TMEM132C: variants seen among roughly 807,000 people sequenced by gnomAD.
TMEM132C encodes protein phosphatase 1, regulatory subunit 152.
In TMEM132C, 29 loss-of-function variants were observed where a neutral mutation model predicts 61.4. That is an observed-to-expected ratio of 0.47 (90% CI 0.35 to 0.64). The LOEUF is 0.64. Among genes scored for constraint, TMEM132C ranks in the 30% least tolerant of loss-of-function variants. The pLI is 0.00. For missense variants in TMEM132C, 1,408 were observed against 1,476.9 expected (o/e 0.95, Z 0.76); for synonymous variants, 656 against 633.1 (o/e 1.04, Z -0.54).
chr12:128,551,179 A>T (rs882393), intron 3 of TMEM132C, among the ~76,000 whole-genome samples: 11,861 of 150,504 alleles, frequency 0.079, 599 homozygotes, highest in East Asian at 0.16. Flanking sequence ...CTTCTAATGA[A>T]CCCAAACTGA....
chr12:128,554,247 G>T (rs1373753516), intron 3 of TMEM132C, among the ~76,000 whole-genome samples: 1 of 152,156 alleles, frequency 6.6e-6, no homozygotes, highest in African/African-American at 2.4e-5. Flanking sequence ...CAAATGCAAG[G>T]GACAGGTGAA....
intron 8 of TMEM132C, among the ~76,000 whole-genome samples, chr12:128,703,629 A>C (rs1475611910): frequency 6.6e-6 from 1 of 152,200 alleles, no homozygotes; most frequent in Non-Finnish European, 1.5e-5. Flanking sequence ...GCCTGTATCC[A>C]CTGGGCACTT....
chr12:128,465,684 T>G (rs1315191149), intron 2 of TMEM132C, among the ~76,000 whole-genome samples: 2 of 152,190 alleles, frequency 1.3e-5, no homozygotes, highest in Non-Finnish European at 2.9e-5. Context: ...TCACGAGCAC[T>G]GGAGTGAGAC....
intron 1 of TMEM132C, among the ~76,000 whole-genome samples, chr12:128,392,400 T>G (rs1489959650): frequency 2.6e-5 from 4 of 152,072 alleles, no homozygotes; most frequent in Admixed American, 6.5e-5. Flanking sequence ...AACATTTGAG[T>G]GTGAGAGAGC....
intron 2 of TMEM132C, among the ~76,000 whole-genome samples, chr12:128,485,953 G>A (rs1565950314): frequency 6.6e-6 from 1 of 152,176 alleles, no homozygotes; most frequent in Non-Finnish European, 1.5e-5. Flanking sequence ...ACGCTTCAAA[G>A]TTAGACTTTG....
chr12:128,627,874 G>T (rs1954030964), intron 4 of TMEM132C, among the ~76,000 whole-genome samples: 1 of 152,202 alleles, frequency 6.6e-6, no homozygotes, highest in Admixed American at 6.5e-5. Flanking sequence ...CTGTGAAACT[G>T]CTGGACAGCT....
At chr12:128,387,474 C>T (rs932247494) in intron 1 of TMEM132C, among the ~76,000 whole-genome samples, 9 of 152,142 alleles carry the variant, frequency 5.9e-5, no homozygotes, top group East Asian at 1.9e-4. Flanking sequence ...TAGACTCCTC[C>T]GGCAATTCTA....
Position 128,444,158 on chromosome 12 carries a change from G to A in TMEM132C, c.974+28538G>A, listed in dbSNP as rs139775190. Among the ~76,000 whole-genome samples, 5 of 152,224 alleles carry A rather than the reference G, an allele frequency of 3.3e-5. No homozygotes were observed. In the East Asian group the frequency reaches 5.8e-4, roughly 18 times the overall value. On this transcript the variant is annotated intron_variant, in intron 2 of 8. Coordinates refer to ENST00000435159, the MANE Select transcript of TMEM132C (RefSeq NM_001136103.3). ...TGGTCTTGAACTCCTGTGCTCAAGC[G>A]ATCCTCCCGCCTCAGCCTCCCAAAG...
intron 2 of TMEM132C, among the ~76,000 whole-genome samples, chr12:128,527,329 T>A (rs1252592999): frequency 6.6e-6 from 1 of 152,142 alleles, no homozygotes; most frequent in Non-Finnish European, 1.5e-5. Context: ...GTAGCTGTTT[T>A]TTTACGAAGG....
intron 4 of TMEM132C, among the ~76,000 whole-genome samples, chr12:128,649,351 C>T (rs1421384924): frequency 6.6e-6 from 1 of 152,208 alleles, no homozygotes; most frequent in Non-Finnish European, 1.5e-5. Flanking sequence ...AGCTGACACA[C>T]TGGTTCTTCT....
At chr12:128,375,595 C>T (rs1874169317) in intron 1 of TMEM132C, among the ~76,000 whole-genome samples, 1 of 152,186 alleles carries the variant, frequency 6.6e-6, no homozygotes, top group Non-Finnish European at 1.5e-5. Context: ...AGGGCCCACC[C>T]TAAATCCAAG....
chr12:128,290,358 G>T (rs1174765910), intron 1 of TMEM132C, among the ~76,000 whole-genome samples: 2 of 152,022 alleles, frequency 1.3e-5, no homozygotes, highest in African/African-American at 4.8e-5. Flanking sequence ...GAGTGAAGGG[G>T]GAAGTGCCAC....
At chr12:128,676,966 A>T (rs1434331697) in intron 5 of TMEM132C, among the ~76,000 whole-genome samples, 1 of 152,214 alleles carries the variant, frequency 6.6e-6, no homozygotes, top group Non-Finnish European at 1.5e-5. Context: ...CTCTTTGTTG[A>T]TTCACATTCA....
chr12:128,669,313 A>G (rs1339152516), intron 4 of TMEM132C, 104 bp from the exon 5 acceptor site: 3 of 1,381,446 alleles, frequency 2.2e-6, no homozygotes, highest in African/African-American at 1.4e-5. Flanking sequence ...TGTACAAACA[A>G]GGACAGCCTG....
At chr12:128,582,355 T>C (rs762590063) in intron 3 of TMEM132C, among the ~76,000 whole-genome samples, 1 of 151,678 alleles carries the variant, frequency 6.6e-6, no homozygotes, top group Non-Finnish European at 1.5e-5. Context: ...TGAATGGGGA[T>C]GCAGGGAAAA....
chr12:128,571,456 A>AAATAC (rs1874880651), intron 3 of TMEM132C, among the ~76,000 whole-genome samples: 1 of 152,222 alleles, frequency 6.6e-6, no homozygotes, highest in Admixed American at 6.5e-5. Context: ...CAGTGACATC[A>AAATAC]AATACAATGA....
intron 3 of TMEM132C, among the ~76,000 whole-genome samples, chr12:128,550,088 G>A (rs1341117760): frequency 6.6e-6 from 1 of 152,166 alleles, no homozygotes; most frequent in Non-Finnish European, 1.5e-5. Context: ...GCCAGCTAGG[G>A]CTGCCTGAAC....
In TMEM132C at chr12:128,583,295, T is replaced by C. The variant is rs1228268995; in HGVS notation, c.1122-32857T>C. On this transcript the variant is annotated intron_variant, in intron 3 of 8. Transcript: ENST00000435159. Reference sequence around the variant, plus strand: ...CATCGTACACTATACAACATATACATAAGTAAGAGTTTTTTGAAAATGCAA... The same window carrying C: ...CATCGTACACTATACAACATATACACAAGTAAGAGTTTTTTGAAAATGCAA... Among the ~76,000 whole-genome samples the C allele has an allele frequency of 8.6e-5, 5 of 58,468 alleles. No individual in the cohort carries two copies. In the East Asian group the frequency reaches 3.6e-3, roughly 43 times the overall value. The allele number at this position is 58,468 out of a possible 152,430, so 38.4% of individuals were successfully genotyped here.
chr12:128,355,890 C>T (rs1873487741), intron 1 of TMEM132C, among the ~76,000 whole-genome samples: 1 of 152,158 alleles, frequency 6.6e-6, no homozygotes, highest in South Asian at 2.1e-4. Context: ...CATAAAATTG[C>T]AGCCCCCTGG....
Sources: allele counts gnomAD v4.1 joint callset (sites outside exome capture counted in the v4.1 genomes callset), GRCh38; gene constraint gnomAD v4.1.1; transcripts MANE v1.5; gene names NCBI Gene and HGNC (gene_info 2026-07-23, HGNC 2026-07-21).